LNPEP: variants seen among roughly 807,000 people sequenced by gnomAD.
LNPEP encodes leucyl and cystinyl aminopeptidase, also known as leucyl-cystinyl aminopeptidase.
Under a neutral mutation model 120.6 loss-of-function variants are expected in LNPEP, and 64 were observed. The ratio of observed to expected loss-of-function variants is 0.53; its 90% CI spans 0.43 to 0.65. The LOEUF is 0.65. LNPEP is among the 30% of genes least tolerant of loss of function. The probability of loss-of-function intolerance (pLI) is 0.00; values close to 1 mark genes in which losing one functional copy is unlikely to be tolerated. For synonymous variants in LNPEP, 435 were observed against 425.4 expected (o/e 1.02, Z -0.28); for missense variants, 1,057 against 1,200.0 (o/e 0.88, Z 1.76).
At chr5:96,953,013 A>C (rs1789360609) in intron 1 of LNPEP, among the ~76,000 whole-genome samples, 1 of 152,254 alleles carries the variant, frequency 6.6e-6, no homozygotes, top group South Asian at 2.1e-4. Context: ...GAGGACTAGA[A>C]TCAGCCCTCT....
chr5:97,025,443 G>A (rs1791314665), intron 15 of LNPEP, among the ~76,000 whole-genome samples: 1 of 152,212 alleles, frequency 6.6e-6, no homozygotes, highest in Admixed American at 6.5e-5. Flanking sequence ...GTATTAGCCA[G>A]CCTCTGACTT....
intron 1 of LNPEP, among the ~76,000 whole-genome samples, chr5:96,969,796 T>C (rs945209414): frequency 5.3e-5 from 8 of 151,648 alleles, no homozygotes; most frequent in African/African-American, 1.9e-4. Context: ...CTTTTCTAGG[T>C]TCTTAGGGTG....
Position 96,979,859 on chromosome 5 carries a change from C to A in LNPEP, c.741C>A (p.Ala247=). 1 of 1,613,898 alleles carries A rather than the reference C, an allele frequency of 6.2e-7. No individual in the cohort carries two copies. The highest frequency in any genetic ancestry group is 8.5e-7 in the Non-Finnish European group (1 of 1,179,908). The change falls in exon 2 of 18, where the codon GCC becomes GCA. Residue 247 remains alanine (A), a synonymous_variant. Coordinates refer to ENST00000231368, the MANE Select transcript of LNPEP (RefSeq NM_005575.3). ...YAYHGQIAIV[A]PEALLAGHNY... Reference sequence around the variant, plus strand: ...ATCATGGACAGATCGCCATTGTTGCCCCCGAAGCCCTTCTAGCAGGGCACA... The same window carrying A: ...ATCATGGACAGATCGCCATTGTTGCACCCGAAGCCCTTCTAGCAGGGCACA...
At position 96,998,076 on chromosome 5, in the gene LNPEP, T is replaced by C; in HGVS notation, c.1584T>C (p.His528=). ...AGAAAGATTCCTTAAATTCATCTCATCCAATATCATCATCTGTTCAGTCTT... is the reference window on the plus strand; with the variant it reads ...AGAAAGATTCCTTAAATTCATCTCACCCAATATCATCATCTGTTCAGTCTT... ...TMKKDSLNSS[H]PISSSVQSSE... is the part of the protein sequence containing the mutation. The change falls in exon 8 of 18, where the codon CAT becomes CAC. Residue 528 remains histidine, a synonymous_variant. Transcript: ENST00000231368. The C allele has an allele frequency of 6.3e-7, 1 of 1,581,828 alleles. No homozygotes were observed. Among genetic ancestry groups the C allele is most frequent in the Non-Finnish European group, 8.7e-7 (1 of 1,154,852 alleles).
rs1204264934 is a variant in LNPEP, at chr5:96,979,987, C to T, written c.860+9C>T. 6.4e-7 allele frequency: 1 copy of T among 1,567,860 alleles called. No individual in the cohort carries two copies. The highest frequency in any genetic ancestry group is 8.7e-7 in the Non-Finnish European group (1 of 1,154,976). ...GAAAGTAATGAGAAAAAGTAGGTAG[C>T]CCTCTTAAATGATTCTGGTTTTACG... On this transcript the variant is annotated intron_variant, in intron 2 of 17. Transcript: ENST00000231368.
chr5:97,022,626 T>TCAAACAAGA (rs1791232234), intron 14 of LNPEP, 142 bp downstream of exon 14: 1 of 674,936 alleles, frequency 1.5e-6, no homozygotes, highest in Admixed American at 3.0e-5. Context: ...ATCTGCATTC[T>TCAAACAAGA]CAAACAAGAC....
At chr5:96,942,353 C>G (rs979620677) in intron 1 of LNPEP, 3 of 152,076 alleles carry the variant, frequency 2.0e-5, no homozygotes, top group African/African-American at 4.8e-5. Context: ...TGGCAATTCA[C>G]TGAATTAGAA....
At chr5:96,977,846 G>A (rs74581328) in intron 1 of LNPEP, among the ~76,000 whole-genome samples, 4,703 of 151,924 alleles carry the variant, frequency 0.031, 136 homozygotes, top group South Asian at 0.088. Flanking sequence ...AATAATTCAG[G>A]GCTCTCATCT....
intron 2 of LNPEP, 85 bp from the exon 3 acceptor site, chr5:96,984,995 A>C (rs1282243804): frequency 6.4e-6 from 9 of 1,407,522 alleles, no homozygotes; most frequent in East Asian, 4.6e-5. Context: ...CTAGGATTGT[A>C]ACATATTTAT....
At chr5:96,943,738 A>G (rs1399399531) in intron 1 of LNPEP, among the ~76,000 whole-genome samples, 5 of 152,252 alleles carry the variant, frequency 3.3e-5, no homozygotes, top group African/African-American at 9.6e-5. Context: ...GGAAAATTCA[A>G]GCTTCCAAGG....
chr5:96,963,150 C>T (rs996713422), intron 1 of LNPEP, among the ~76,000 whole-genome samples: 4 of 152,112 alleles, frequency 2.6e-5, no homozygotes, highest in African/African-American at 9.7e-5. Flanking sequence ...AATCATAAAA[C>T]TAGTATGTAG....
chr5:96,977,900 G>A (rs1790040299), intron 1 of LNPEP, among the ~76,000 whole-genome samples: 1 of 152,102 alleles, frequency 6.6e-6, no homozygotes, highest in Non-Finnish European at 1.5e-5. Context: ...ATAATGAAAA[G>A]AGCATAAACT....
Position 97,027,745 on chromosome 5 carries a change from G to C in LNPEP, c.2877G>C (p.Gly959=), listed in dbSNP as rs1169711440. 1 of 1,599,574 alleles carries C rather than the reference G, an allele frequency of 6.3e-7. No individual in the cohort carries two copies. Among genetic ancestry groups the C allele is most frequent in the African/African-American group, 1.3e-5 (1 of 74,648 alleles). The change falls in exon 17 of 18, where the codon GGG becomes GGC. Residue 959 remains glycine, a synonymous_variant. Coordinates refer to ENST00000231368, the MANE Select transcript of LNPEP (RefSeq NM_005575.3). The part of the protein sequence containing the change: ...WNKLVQKFPL[G]SYTIQNIVAG... ...TGTGTTTCTTCAGGTTCCCTCTGGG[G>C]TCCTATACCATACAAAATATTGTTG...
At chr5:97,000,167 C>T (rs1276401022) in intron 8 of LNPEP, among the ~76,000 whole-genome samples, 2 of 152,002 alleles carry the variant, frequency 1.3e-5, no homozygotes, top group African/African-American at 2.4e-5. Context: ...GAAAATAAAG[C>T]ATGATAAGGG....
chr5:97,025,131 A>C (rs1293741920), intron 15 of LNPEP, among the ~76,000 whole-genome samples: 1 of 152,204 alleles, frequency 6.6e-6, no homozygotes, highest in African/African-American at 2.4e-5. Flanking sequence ...GTAGTGATGA[A>C]GGCCCAGAAG....
chr5:96,973,081 G>T (rs1789907397), intron 1 of LNPEP, among the ~76,000 whole-genome samples: 1 of 152,152 alleles, frequency 6.6e-6, no homozygotes, highest in South Asian at 2.1e-4. Flanking sequence ...ACAAACAGGT[G>T]TCAGGAAAAG....
chr5:96,951,449 G>T (rs1367705973), intron 1 of LNPEP, among the ~76,000 whole-genome samples: 1 of 152,034 alleles, frequency 6.6e-6, no homozygotes, highest in Non-Finnish European at 1.5e-5. Context: ...TAGTAGAGAC[G>T]GGGTTTCACT....
rs755338825 is a variant in LNPEP, at chr5:97,003,497, A to G, written c.1736A>G (p.His579Arg). Residue 579 changes from histidine (H) to arginine (R), a missense_variant, in exon 9 of 18, where the codon CAC becomes CGC. Coordinates refer to ENST00000231368, the MANE Select transcript of LNPEP (RefSeq NM_005575.3). ...GCTGTTGTCCTTTACCTGCATAATCACAGCTATGCATCTATTCAAAGTGAT... is the reference window on the plus strand; with the variant it reads ...GCTGTTGTCCTTTACCTGCATAATCGCAGCTATGCATCTATTCAAAGTGAT... ...QHAVVLYLHN[H>R]SYASIQSDDL... 6.2e-7 allele frequency: 1 copy of G among 1,604,720 alleles called. No homozygotes were observed. The highest frequency in any genetic ancestry group is 8.5e-7 in the Non-Finnish European group (1 of 1,172,812).
chr5:96,953,388 C>G (rs772357446), intron 1 of LNPEP, among the ~76,000 whole-genome samples: 2 of 152,092 alleles, frequency 1.3e-5, no homozygotes, highest in African/African-American at 2.4e-5. Flanking sequence ...TTTCTTAGAG[C>G]AAATTTAATA....
Sources: gnomAD v4.1 joint callset for allele counts (sites outside exome capture counted in the v4.1 genomes callset) on GRCh38, gnomAD v4.1.1 for gene constraint, MANE v1.5 for transcripts, NCBI Gene and HGNC (gene_info 2026-07-23, HGNC 2026-07-21) for gene names.